The following TLL2 variants were observed in gnomAD, a reference collection of about 807,000 sequenced individuals.
The protein encoded by TLL2 is tolloid-like protein 2.
A neutral mutation model predicts 123.0 loss-of-function variants in TLL2; 106 were observed. The ratio of observed to expected loss-of-function variants is 0.86; its 90% confidence interval spans 0.74 to 1.01. The LOEUF is 1.01. Ranked by LOEUF, TLL2 falls within the 50% of genes least tolerant of loss-of-function variation. The pLI is 0.00. For missense variants in TLL2, 1,332 were observed against 1,336.7 expected (o/e 1.00, Z 0.06); for synonymous variants, 494 against 516.8 (o/e 0.96, Z 0.60).
In TLL2 at chr10:96,397,249, G is replaced by C. The variant is rs138680811; in HGVS notation, c.1321C>G (p.Leu441Val). 2.3e-5 allele frequency: 37 copies of C among 1,613,884 alleles called. No homozygotes were observed. The highest frequency in any genetic ancestry group is 3.1e-5 in the Non-Finnish European group (37 of 1,179,820). Residue 441 changes from leucine (L) to valine (V), a missense_variant, in exon 11 of 21, where the codon CTC becomes GTC. Leu to Val is a conservative substitution (Grantham distance 32, BLOSUM62 1). Coordinates refer to ENST00000357947, the MANE Select transcript of TLL2 (RefSeq NM_012465.4). ...PEPLVSTDSR[L>V]WVEFRSSSNI... ...CTGCTGCTGCGGAACTCCACCCAGAGCCGGCTGTCCGTGGAGACGAGGGGC... is the reference window on the plus strand; with the variant it reads ...CTGCTGCTGCGGAACTCCACCCAGACCCGGCTGTCCGTGGAGACGAGGGGC...
chr10:96,411,871 A>G (rs1846510538), intron 8 of TLL2, among the ~76,000 whole-genome samples: 1 of 152,172 alleles, frequency 6.6e-6, no homozygotes, highest in Non-Finnish European at 1.5e-5. Context: ...CGGGGCTTCA[A>G]TATCACATTA....
chr10:96,457,026 A>G, intron 2 of TLL2, among the ~76,000 whole-genome samples: 1 of 152,214 alleles, frequency 6.6e-6, no homozygotes, highest in East Asian at 1.9e-4. Flanking sequence ...TTTTGGAAAG[A>G]TACCTAATTT....
At chr10:96,431,944 G>C (rs778259642) in intron 4 of TLL2, among the ~76,000 whole-genome samples, 8 of 152,106 alleles carry the variant, frequency 5.3e-5, no homozygotes, top group Non-Finnish European at 4.4e-5. Flanking sequence ...GGCCTATGAG[G>C]GGGGCACGTC....
At chr10:96,376,896 C>G (rs1846143641) in intron 17 of TLL2, 77 bp from the exon 18 acceptor site, 9 of 1,403,226 alleles carry the variant, frequency 6.4e-6, no homozygotes, top group Non-Finnish European at 8.4e-6. Context: ...CTAGGGGGGT[C>G]TCCTCCCCTC....
intron 1 of TLL2, among the ~76,000 whole-genome samples, chr10:96,494,338 C>T (rs1847449272): frequency 6.6e-6 from 1 of 152,250 alleles, no homozygotes; most frequent in Non-Finnish European, 1.5e-5. Context: ...CTATCACCAA[C>T]TGCACTATCC....
chr10:96,495,078 T>G (rs991911963), intron 1 of TLL2, among the ~76,000 whole-genome samples: 1 of 152,128 alleles, frequency 6.6e-6, no homozygotes, highest in African/African-American at 2.4e-5. Flanking sequence ...GTTTGTCCAC[T>G]CCAATAACAA....
At chr10:96,465,747 G>T (rs989241554) in intron 2 of TLL2, among the ~76,000 whole-genome samples, 24 of 152,238 alleles carry the variant, frequency 1.6e-4, no homozygotes, top group African/African-American at 5.8e-4. Flanking sequence ...CAGGCAGGGA[G>T]CACTGAAGTG....
chr10:96,409,728 C>T (rs911629141), intron 9 of TLL2, among the ~76,000 whole-genome samples: 5 of 152,194 alleles, frequency 3.3e-5, no homozygotes, highest in African/African-American at 1.2e-4. Context: ...GATGTGTCCA[C>T]CCAGAGCTTG....
At chr10:96,462,073 T>A (rs912146882) in intron 2 of TLL2, among the ~76,000 whole-genome samples, 2 of 152,272 alleles carry the variant, frequency 1.3e-5, no homozygotes, top group Non-Finnish European at 2.9e-5. Context: ...TTATCTCAGT[T>A]AATTCTCACT....
chr10:96,482,578 C>G (rs186592077), intron 1 of TLL2, among the ~76,000 whole-genome samples: 83 of 152,288 alleles, frequency 5.5e-4, no homozygotes, highest in Middle Eastern at 3.4e-3. Context: ...TTGCCAAACA[C>G]TACATATTAT....
chr10:96,451,598 C>T (rs1846960246), intron 2 of TLL2, among the ~76,000 whole-genome samples: 1 of 152,194 alleles, frequency 6.6e-6, no homozygotes, highest in Non-Finnish European at 1.5e-5. Flanking sequence ...CCTTGGTTCT[C>T]TTGAACATGA....
chr10:96,412,506 G>A (rs1209968561), intron 8 of TLL2, among the ~76,000 whole-genome samples: 2 of 152,202 alleles, frequency 1.3e-5, no homozygotes, highest in East Asian at 3.8e-4. Flanking sequence ...GTGTGTGTAT[G>A]ATGATGATGC....
intron 16 of TLL2, among the ~76,000 whole-genome samples, chr10:96,380,207 T>C (rs2134054877): frequency 6.6e-6 from 1 of 152,306 alleles, no homozygotes; most frequent in East Asian, 1.9e-4. Flanking sequence ...AAACTTGTGG[T>C]CCTTGTATGC....
rs149215424 is a variant in TLL2, at chr10:96,397,319, G to A, written c.1268-17C>T. 163 of 1,605,008 alleles carry A rather than the reference G, an allele frequency of 1.0e-4. No individual in the cohort carries two copies. The African/African-American group carries it at 1.8e-3, about 17-fold the overall frequency. On this transcript the variant is annotated splice_polypyrimidine_tract_variant and intron_variant, in intron 10 of 20. Transcript: ENST00000357947. The stretch of plus-strand genomic sequence containing the variant: ...AAAACCTGCCTGGAAAGTGGAAAAA[G>A]AAGCAGTTAGGAGCCCTGGGGACAG...
At chr10:96,450,858 G>GA (rs111584929) in intron 2 of TLL2, among the ~76,000 whole-genome samples, 4,907 of 152,054 alleles carry the variant, frequency 0.032, 221 homozygotes, top group African/African-American at 0.097. Flanking sequence ...AAAAAAGTTT[G>GA]AAAAAAATAC....
chr10:96,495,293 C>A (rs1847460109), intron 1 of TLL2, among the ~76,000 whole-genome samples: 1 of 152,114 alleles, frequency 6.6e-6, no homozygotes, highest in South Asian at 2.1e-4. Context: ...CCCACAGATG[C>A]ATTTAGTTCA....
chr10:96,393,838 C>T (rs1469071360), intron 13 of TLL2, among the ~76,000 whole-genome samples: 1 of 151,960 alleles, frequency 6.6e-6, no homozygotes, highest in African/African-American at 2.4e-5. Context: ...TTTGCTCTTC[C>T]CCGATACCTC....
In TLL2 at chr10:96,365,807, C is replaced by T. The variant is rs1365487582; in HGVS notation, c.*2281G>A. The T allele has an allele frequency of 2.0e-5, 3 of 152,192 alleles. No individual in the cohort carries two copies. Among genetic ancestry groups the T allele is most frequent in the African/African-American group, 4.8e-5 (2 of 41,442 alleles). 9.4% of individuals were successfully genotyped at this position (152,192 alleles called of 1,614,324 possible). ...TCAGAGCTTCTCTTTTCTGTGGATA[C>T]GTCACACAGAAGGCCTAAATAAAGG... On this transcript the variant is annotated 3_prime_UTR_variant, in exon 21 of 21. Coordinates refer to ENST00000357947, the MANE Select transcript of TLL2 (RefSeq NM_012465.4).
At chr10:96,429,665 C>G (rs1846717703) in intron 4 of TLL2, among the ~76,000 whole-genome samples, 1 of 152,174 alleles carries the variant, frequency 6.6e-6, no homozygotes, top group African/African-American at 2.4e-5. Flanking sequence ...TGCACTTCGC[C>G]CCCTCATTTT....
Sources: gnomAD v4.1 joint callset for allele counts (sites outside exome capture counted in the v4.1 genomes callset) on GRCh38, gnomAD v4.1.1 for gene constraint, MANE v1.5 for transcripts, NCBI Gene and HGNC (gene_info 2026-07-23, HGNC 2026-07-21) for gene names.